Variants in AQP9 observed in about 807,000 individuals in gnomAD.
AQP9 encodes aquaporin 9.
A neutral mutation model predicts 23.8 loss-of-function variants in AQP9; 19 were observed. That is an observed-to-expected ratio of 0.80 (90% confidence interval 0.56 to 1.17). The LOEUF is 1.17. AQP9 is among the 50% of genes most tolerant of loss of function. AQP9 has a pLI of 0.00. For synonymous variants in AQP9, 153 were observed against 131.5 expected, an observed-to-expected ratio of 1.16 and a Z score of -1.12; for missense variants, 413 against 362.0, an observed-to-expected ratio of 1.14 and a Z score of -1.14.
At chr15:58,175,587 C>G (rs1162552987) in intron 4 of AQP9, among the ~76,000 whole-genome samples, 1 of 152,220 alleles carries the variant, frequency 6.6e-6, no homozygotes, top group Non-Finnish European at 1.5e-5. Flanking sequence ...ATTTGGTCAG[C>G]TTATGGCAGG....
At chr15:58,138,790 C>G (rs1897902766) in intron 1 of AQP9, 114 bp downstream of exon 1, 9 of 861,220 alleles carry the variant, frequency 1.0e-5, no homozygotes, top group Admixed American at 2.6e-5. Context: ...GGATCAGATT[C>G]ATCTTTTCCA....
rs553727841 is a variant in AQP9 at position 58,166,680 on chromosome 15, G to A, written c.119G>A (p.Gly40Glu). 2 of 1,609,250 alleles carry A rather than the reference G, an allele frequency of 1.2e-6. No individual in the cohort carries two copies. Among genetic ancestry groups the A allele is most frequent in the South Asian group, 1.1e-5 (1 of 90,292 alleles). Residue 40 changes from glycine (G) to glutamate (E), a missense_variant, in exon 2 of 6, where the codon GGA (glycine) becomes GAA (glutamate). Coordinates refer to ENST00000219919, the MANE Select transcript of AQP9 (RefSeq NM_020980.5). ...GTTTTCCTCTCATTCCAGGTCCTTG[G>A]ATGTGGCTGTGTTGCCCAAGCTATT... ...FLGTFILIVLGCGCVAQAILS... is the reference protein window; with the variant it reads ...FLGTFILIVLECGCVAQAILS...
chr15:58,177,182 A>G (rs1184107857), intron 4 of AQP9, among the ~76,000 whole-genome samples: 1 of 152,140 alleles, frequency 6.6e-6, no homozygotes, highest in Non-Finnish European at 1.5e-5. Flanking sequence ...CAAGATTACT[A>G]AATTGTTTAG....
Position 58,184,574 on chromosome 15 carries a change from T to G in AQP9, c.*439T>G, listed in dbSNP as rs8024186. 0.03 allele frequency: 4,702 copies of G among 155,220 alleles called. 244 individuals carry two copies. The highest frequency in any genetic ancestry group is 0.1 in the African/African-American group (4,356 of 41,598). 9.6% of individuals were successfully genotyped at this position (155,220 alleles called of 1,614,324 possible). ...CAAACCCTAAATTGAAAGACAAAACTATGGTTTCAGTCAACATATTCATGA... is the reference window on the plus strand; with the variant it reads ...CAAACCCTAAATTGAAAGACAAAACGATGGTTTCAGTCAACATATTCATGA... On this transcript the variant is annotated 3_prime_UTR_variant, in exon 6 of 6. Transcript: ENST00000219919.
intron 2 of AQP9, among the ~76,000 whole-genome samples, chr15:58,167,321 A>G (rs1898531231): frequency 1.3e-5 from 2 of 152,204 alleles, no homozygotes; most frequent in Non-Finnish European, 2.9e-5. Context: ...ATGGTTCTCA[A>G]AAGCAAAATG....
upstream of AQP9, chr15:58,138,298 C>A: frequency 3.4e-6 from 1 of 291,842 alleles, no homozygotes; most frequent in Non-Finnish European, 6.5e-6. Flanking sequence ...ATTAATCTGT[C>A]AGGCACAAAA....
chr15:58,173,741 C>CTAG (rs1898678293), intron 3 of AQP9, among the ~76,000 whole-genome samples: 1 of 152,156 alleles, frequency 6.6e-6, no homozygotes, highest in Non-Finnish European at 1.5e-5. Context: ...TCTAGCTGTT[C>CTAG]AGTAAATACC....
chr15:58,166,422 T>C (rs1300603684), intron 1 of AQP9, among the ~76,000 whole-genome samples: 1 of 152,270 alleles, frequency 6.6e-6, no homozygotes, highest in Non-Finnish European at 1.5e-5. Context: ...TGAAATGTCC[T>C]GATTTATAAA....
intron 1 of AQP9, among the ~76,000 whole-genome samples, chr15:58,160,422 A>G (rs1898351423): frequency 6.6e-6 from 1 of 152,166 alleles, no homozygotes; most frequent in Non-Finnish European, 1.5e-5. Context: ...TATCAGATGG[A>G]TAGGCCAAAC....
chr15:58,145,852 C>G (rs1030242997), intron 1 of AQP9, among the ~76,000 whole-genome samples: 3 of 152,116 alleles, frequency 2.0e-5, no homozygotes, highest in Non-Finnish European at 4.4e-5. Flanking sequence ...CAGTCTTTGT[C>G]TGAATGTGTC....
chr15:58,171,261 C>A (rs192571739), intron 2 of AQP9, among the ~76,000 whole-genome samples: 1 of 152,006 alleles, frequency 6.6e-6, no homozygotes, highest in East Asian at 1.9e-4. Flanking sequence ...CTAATTTTTT[C>A]TATTTTTAGT....
chr15:58,174,868 T>C, intron 3 of AQP9, 50 bp from the exon 4 acceptor site: 1 of 1,538,172 alleles, frequency 6.5e-7, no homozygotes, highest in East Asian at 2.2e-5. Flanking sequence ...ACAGGCCTCC[T>C]TCAACTCTTC....
At chr15:58,144,138 C>G (rs564411044) in intron 1 of AQP9, among the ~76,000 whole-genome samples, 2 of 152,262 alleles carry the variant, frequency 1.3e-5, no homozygotes, top group East Asian at 3.9e-4. Context: ...TGCCTGATTA[C>G]AGCCTCTGCA....
chr15:58,170,755 G>A (rs889256913), intron 2 of AQP9, among the ~76,000 whole-genome samples: 1 of 152,132 alleles, frequency 6.6e-6, no homozygotes, highest in Non-Finnish European at 1.5e-5. Flanking sequence ...CATCATGTGA[G>A]ACCCAAGGTA....
At chr15:58,164,997 ATC>A (rs1224102959) in intron 1 of AQP9, among the ~76,000 whole-genome samples, 1 of 152,130 alleles carries the variant, frequency 6.6e-6, no homozygotes, top group Non-Finnish European at 1.5e-5. Flanking sequence ...CACATTGTTA[ATC>A]TCTTTTTCCA....
chr15:58,153,532 T>C (rs754777150), intron 1 of AQP9: 8 of 152,210 alleles, frequency 5.3e-5, no homozygotes, highest in Non-Finnish European at 7.3e-5. Flanking sequence ...AACTAGGCCT[T>C]ATAATAGTCA....
At position 58,167,630 on chromosome 15, in the gene AQP9, G is replaced by A. The variant is rs73426174; in HGVS notation, c.238+831G>A. 7.6e-3 allele frequency among the ~76,000 whole-genome samples: 1,164 copies of A among 152,324 alleles called. 20 individuals carry two copies. The highest frequency in any genetic ancestry group is 0.027 in the African/African-American group (1,120 of 41,558). ...TCAGTAAATAAGTGGAAGCCCTGCA[G>A]CTGGTAAAGAAGAAGAGCTGAGATT... On this transcript the variant is annotated intron_variant, in intron 2 of 5. Coordinates refer to ENST00000219919, the MANE Select transcript of AQP9 (RefSeq NM_020980.5).
chr15:58,159,648 C>A (rs1002142836), intron 1 of AQP9, among the ~76,000 whole-genome samples: 1 of 152,172 alleles, frequency 6.6e-6, no homozygotes, highest in Admixed American at 6.5e-5. Flanking sequence ...TATTAATCAA[C>A]CTTTCTTCTT....
intron 5 of AQP9, among the ~76,000 whole-genome samples, chr15:58,180,465 C>A (rs1898860777): frequency 6.6e-6 from 1 of 152,154 alleles, no homozygotes; most frequent in Middle Eastern, 3.2e-3. Context: ...CCTTGACAGC[C>A]TTTTCCCCTG....
Sources: gnomAD v4.1 joint callset for allele counts (sites outside exome capture counted in the v4.1 genomes callset) on GRCh38, gnomAD v4.1.1 for gene constraint, MANE v1.5 for transcripts, NCBI Gene and HGNC (gene_info 2026-07-23, HGNC 2026-07-21) for gene names.